Variants in PTGER3 observed in about 807,000 individuals in gnomAD.
PTGER3 encodes the protein prostaglandin E receptor 3.
Under a neutral mutation model 34.7 loss-of-function variants are expected in PTGER3, and 22 were observed. The ratio of observed to expected loss-of-function variants is 0.63; its 90% confidence interval spans 0.45 to 0.91. The LOEUF is 0.91. Among genes scored for constraint, PTGER3 ranks in the 40% least tolerant of loss-of-function variants. The pLI, the probability that PTGER3 is intolerant of heterozygous loss-of-function variation, is 0.00. For synonymous variants in PTGER3, 241 were observed against 230.1 expected (o/e 1.05, Z -0.43); for missense variants, 468 against 519.4 (o/e 0.90, Z 0.96).
At chr1:70,889,132 C>A (rs1646559784) in intron 4 of PTGER3, among the ~76,000 whole-genome samples, 1 of 152,136 alleles carries the variant, frequency 6.6e-6, no homozygotes, top group Admixed American at 6.5e-5. Flanking sequence ...TAAATCAGCA[C>A]CAGTACCTCA....
chr1:71,036,703 G>T (rs1209605378), intron 1 of PTGER3, among the ~76,000 whole-genome samples: 1 of 151,950 alleles, frequency 6.6e-6, no homozygotes, highest in African/African-American at 2.4e-5. Context: ...GCCGGGTGTG[G>T]TGGTGGGCTC....
At chr1:70,957,352 TACA>T (rs1651451152) in intron 2 of PTGER3, among the ~76,000 whole-genome samples, 1 of 152,212 alleles carries the variant, frequency 6.6e-6, no homozygotes, top group Admixed American at 6.5e-5. Flanking sequence ...CAGGCATTCC[TACA>T]ACATTTCATC....
At chr1:70,991,419 C>T (rs913798081) in intron 2 of PTGER3, among the ~76,000 whole-genome samples, 3 of 152,160 alleles carry the variant, frequency 2.0e-5, no homozygotes, top group African/African-American at 7.2e-5. Flanking sequence ...TAATTTTCCA[C>T]TGCTACTTTC....
chr1:71,008,572 T>C (rs1042829002), intron 2 of PTGER3: 1 of 981,128 alleles, frequency 1.0e-6, no homozygotes, highest in African/African-American at 1.8e-5. Flanking sequence ...AGGTTGGTTA[T>C]TAAATTTTGT....
Position 70,971,394 on chromosome 1 carries a change from G to C in PTGER3, c.*336C>G. The C allele has an allele frequency of 9.6e-7, 1 of 1,046,726 alleles. No homozygotes were observed. The highest frequency in any genetic ancestry group is 1.1e-6 in the Non-Finnish European group (1 of 870,564). The allele number at this position is 1,046,726 out of a possible 1,614,324, so 64.8% of individuals were successfully genotyped here. Reference sequence around the variant, plus strand: ...ATGTAAAGATGTCCACTTTGGTTAAGATTCACGTAAAGGTTTGAAGTTGGA... The same window carrying C: ...ATGTAAAGATGTCCACTTTGGTTAACATTCACGTAAAGGTTTGAAGTTGGA... On this transcript the variant is annotated 3_prime_UTR_variant, in exon 4 of 4. Transcript: ENST00000306666.
chr1:70,966,344 G>T (rs752588928), downstream of PTGER3, among the ~76,000 whole-genome samples: 111 of 151,836 alleles, frequency 7.3e-4, no homozygotes, highest in Non-Finnish European at 1.1e-3. Flanking sequence ...CACCACTAAA[G>T]AACTTACTCA....
intron 2 of PTGER3, among the ~76,000 whole-genome samples, chr1:70,963,627 A>G (rs1572779153): frequency 6.6e-6 from 1 of 152,136 alleles, no homozygotes; most frequent in African/African-American, 2.4e-5. Context: ...CCATGGCTGG[A>G]GCAGCTGCAG....
At chr1:70,864,507 T>G (rs1202511193) in intron 4 of PTGER3, among the ~76,000 whole-genome samples, 3 of 152,200 alleles carry the variant, frequency 2.0e-5, no homozygotes, top group African/African-American at 7.2e-5. Context: ...AGGGATTTAC[T>G]GGGTCTTACA....
chr1:71,005,794 A>G (rs1042078640), intron 2 of PTGER3: 11 of 904,146 alleles, frequency 1.2e-5, no homozygotes, highest in Admixed American at 6.2e-5. Flanking sequence ...GTCTCACCCC[A>G]TGGCCTGTAG....
downstream of PTGER3, among the ~76,000 whole-genome samples, chr1:70,967,996 C>G (rs138506707): frequency 2.6e-5 from 4 of 152,304 alleles, no homozygotes; most frequent in Non-Finnish European, 4.4e-5. Flanking sequence ...ATTCTCTGTT[C>G]TCTTACGTAT....
chr1:71,011,341 A>C (rs1338828165), intron 2 of PTGER3: 1 of 985,170 alleles, frequency 1.0e-6, no homozygotes, highest in Non-Finnish European at 1.2e-6. Context: ...TTGTTTTGGA[A>C]TCAGTATTGG....
At chr1:70,873,856 C>T (rs1418708251) in intron 4 of PTGER3, among the ~76,000 whole-genome samples, 2 of 151,664 alleles carry the variant, frequency 1.3e-5, no homozygotes, top group Admixed American at 6.6e-5. Context: ...ACCATGTTGG[C>T]CAGGAGGGGG....
chr1:70,894,563 C>CA (rs1360576886), intron 4 of PTGER3, among the ~76,000 whole-genome samples: 5 of 151,848 alleles, frequency 3.3e-5, no homozygotes, highest in African/African-American at 7.3e-5. Flanking sequence ...TTTTTTTTCC[C>CA]AAAAAGTATG....
At position 71,012,503 on chromosome 1, in the gene PTGER3, T is replaced by C; in HGVS notation, c.898-19A>G. The stretch of plus-strand genomic sequence containing the variant: ...TCATTATCTAAGAAAAGGGGACAAA[T>C]AATTGTTTCAAAGATTAGTAAGGTC... On this transcript the variant is annotated intron_variant, in intron 1 of 3. Coordinates refer to ENST00000306666, the MANE Select transcript of PTGER3 (RefSeq NM_198719.2). The C allele has an allele frequency of 6.2e-7, 1 of 1,601,260 alleles. No homozygotes were observed. The highest frequency in any genetic ancestry group is 8.5e-7 in the Non-Finnish European group (1 of 1,172,720).
chr1:71,011,384 T>C, intron 2 of PTGER3: 1 of 985,254 alleles, frequency 1.0e-6, no homozygotes, highest in East Asian at 1.1e-4. Context: ...GGAACACTTT[T>C]GGTGAATAAT....
intron 4 of PTGER3, among the ~76,000 whole-genome samples, chr1:70,941,179 T>G (rs1649725293): frequency 6.6e-6 from 1 of 152,214 alleles, no homozygotes; most frequent in African/African-American, 2.4e-5. Context: ...GTCTAAAAAC[T>G]CCTCTAACTT....
chr1:70,950,131 G>A (rs1031379738), downstream of PTGER3, among the ~76,000 whole-genome samples: 9 of 152,262 alleles, frequency 5.9e-5, no homozygotes, highest in Admixed American at 3.3e-4. Context: ...CAGAGTGTGA[G>A]CTCCATGGAT....
rs1362648273 is a variant in PTGER3 at position 71,012,135 on chromosome 1, C to T, written c.1077+170G>A. The T allele has an allele frequency of 2.0e-6, 3 of 1,523,442 alleles. No homozygotes were observed. The East Asian group carries it at 6.8e-5, about 34-fold the overall frequency. 94.4% of individuals were successfully genotyped at this position (1,523,442 alleles called of 1,614,324 possible). Reference sequence around the variant, plus strand: ...ACTTCAATGCATAAACAGTGGCATGCCAGAGATGCCTAAATTCACAGTAAG... The same window carrying T: ...ACTTCAATGCATAAACAGTGGCATGTCAGAGATGCCTAAATTCACAGTAAG... On this transcript the variant is annotated intron_variant, in intron 2 of 3. Coordinates refer to ENST00000306666, the MANE Select transcript of PTGER3 (RefSeq NM_198719.2).
intron 2 of PTGER3, chr1:71,010,715 C>T (rs1398776030): frequency 2.0e-6 from 2 of 984,682 alleles, no homozygotes; most frequent in African/African-American, 3.5e-5. Context: ...TCACCTTTTC[C>T]AAAATTTAGA....
Sources: gnomAD v4.1 joint callset for allele counts (sites outside exome capture counted in the v4.1 genomes callset) on GRCh38, gnomAD v4.1.1 for gene constraint, MANE v1.5 for transcripts, NCBI Gene and HGNC (gene_info 2026-07-23, HGNC 2026-07-21) for gene names.